Variants in AGAP1 observed in about 807,000 individuals in gnomAD.
AGAP1 encodes the protein arf-GAP with GTPase, ANK repeat and PH domain-containing protein 1.
A neutral mutation model predicts 105.3 loss-of-function variants in AGAP1; 29 were observed. The observed-to-expected ratio is 0.28, with a 90% confidence interval of 0.21 to 0.38. The LOEUF (loss-of-function observed/expected upper bound fraction) is 0.38. Ranked by LOEUF, AGAP1 falls within the 10% of genes least tolerant of loss-of-function variation. AGAP1 has a pLI of 1.00. For synonymous variants in AGAP1, 509 were observed against 485.9 expected, an observed-to-expected ratio of 1.05 and a Z score of -0.63; for missense variants, 998 against 1,165.1, an observed-to-expected ratio of 0.86 and a Z score of 2.09.
At chr2:235,925,854 C>CAAA (rs2125126983) in intron 11 of AGAP1, among the ~76,000 whole-genome samples, 1 of 152,268 alleles carries the variant, frequency 6.6e-6, no homozygotes, top group South Asian at 2.1e-4. Flanking sequence ...GGATCCTTAC[C>CAAA]CCTCAAGCAA....
intron 1 of AGAP1, among the ~76,000 whole-genome samples, chr2:235,637,733 T>C (rs1167229235): frequency 6.6e-6 from 1 of 152,138 alleles, no homozygotes; most frequent in Non-Finnish European, 1.5e-5. Flanking sequence ...CAGAACCATA[T>C]GGAAGAGGAG....
chr2:235,892,677 A>G (rs1237719770), intron 10 of AGAP1, among the ~76,000 whole-genome samples: 6 of 152,056 alleles, frequency 3.9e-5, no homozygotes, highest in Non-Finnish European at 8.8e-5. Context: ...CTCACATAGG[A>G]CTGCAACATT....
intron 9 of AGAP1, among the ~76,000 whole-genome samples, chr2:235,825,203 C>T (rs2106311094): frequency 6.6e-6 from 1 of 152,338 alleles, no homozygotes; most frequent in Non-Finnish European, 1.5e-5. Context: ...CTCCAGACCC[C>T]TTCCTTCTTG....
Position 235,983,904 on chromosome 2 carries a change from T to C in AGAP1, c.1645+15281T>C, listed in dbSNP as rs181056221. ...AACGATGGGGATACATGGCTGTATG[T>C]AACATAAAATTTGCCATTTTAATTG... On this transcript the variant is annotated intron_variant, in intron 13 of 17. Transcript: ENST00000304032. This position sits in a 1 kb window ranked among gnomAD's most constrained non-coding sequence, Gnocchi z 4.5. 2.7e-3 allele frequency among the ~76,000 whole-genome samples: 418 copies of C among 152,356 alleles called. No individual in the cohort carries two copies. Among genetic ancestry groups the C allele is most frequent in the Middle Eastern group, 0.01 (3 of 294 alleles).
intron 1 of AGAP1, among the ~76,000 whole-genome samples, chr2:235,554,434 G>A (rs1224663044): frequency 2.6e-5 from 4 of 152,224 alleles, no homozygotes. Flanking sequence ...TTCCTGGGAA[G>A]GAAAGAAAAC....
chr2:235,542,086 C>T (rs1299415884), intron 1 of AGAP1, among the ~76,000 whole-genome samples: 3 of 152,216 alleles, frequency 2.0e-5, no homozygotes, highest in South Asian at 2.1e-4. Flanking sequence ...AAGTTGTTAT[C>T]CTTTGTGCAA....
Position 235,665,442 on chromosome 2 carries a change from C to G in AGAP1, c.164-43737C>G, listed in dbSNP as rs568554057. Among the ~76,000 whole-genome samples the G allele has an allele frequency of 6.6e-6, 1 of 152,048 alleles. No individual in the cohort carries two copies. Among genetic ancestry groups the G allele is most frequent in the African/African-American group, 2.4e-5 (1 of 41,394 alleles). On this transcript the variant is annotated intron_variant, in intron 1 of 17. Transcript: ENST00000304032. This position sits in a 1 kb window ranked among gnomAD's most constrained non-coding sequence, Gnocchi z 5.3. ...CACGTTTAACCTTCAGCTTTTAAAA[C>G]GAGAGAAATAGGGTCCCCAGTGAGT...
intron 6 of AGAP1, among the ~76,000 whole-genome samples, chr2:235,763,987 T>C (rs1026273973): frequency 6.6e-6 from 1 of 152,144 alleles, no homozygotes; most frequent in African/African-American, 2.4e-5. Flanking sequence ...TGAAGATCTG[T>C]GTGTGGCTGT....
Position 236,055,703 on chromosome 2 carries a change from G to C in AGAP1, c.2114+6422G>C, listed in dbSNP as rs543550452. On this transcript the variant is annotated intron_variant, in intron 16 of 17. Coordinates refer to ENST00000304032, the MANE Select transcript of AGAP1 (RefSeq NM_001037131.3). The surrounding 1 kb of genome is among the most constrained non-coding windows in gnomAD (Gnocchi z 6.2). ...TTGCAGGCACACCGTCTGCTGGCAG[G>C]AGTGACATTTACTACCAATAAAGTT... Among the ~76,000 whole-genome samples the C allele has an allele frequency of 7.2e-5, 11 of 152,350 alleles. No homozygotes were observed. The East Asian group carries it at 2.1e-3, about 30-fold the overall frequency.
rs1390593194 is a variant in AGAP1, at chr2:236,104,644, A to C, written c.2115-15548A>C. 6.6e-6 allele frequency among the ~76,000 whole-genome samples: 1 copy of C among 152,164 alleles called. No homozygotes were observed. The highest frequency in any genetic ancestry group is 2.4e-5 in the African/African-American group (1 of 41,436). ...GGTGGCTCATGCCTGTAATGCCAGC[A>C]CTTTGGGAGGCCAAGGTGGGTGGAT... On this transcript the variant is annotated intron_variant, in intron 16 of 17. Transcript: ENST00000304032. This position sits in a 1 kb window ranked among gnomAD's most constrained non-coding sequence, Gnocchi z 4.7.
intron 9 of AGAP1, among the ~76,000 whole-genome samples, chr2:235,828,711 C>T (rs1224082104): frequency 6.6e-6 from 1 of 152,198 alleles, no homozygotes; most frequent in Admixed American, 6.5e-5. Flanking sequence ...TTCGCTCACC[C>T]AGCCTTTTCA....
intron 1 of AGAP1, among the ~76,000 whole-genome samples, chr2:235,653,381 A>T (rs34282712): frequency 6.6e-6 from 1 of 151,812 alleles, no homozygotes; most frequent in Admixed American, 6.6e-5. Flanking sequence ...GGAGAATGGC[A>T]TGAAACCGGG....
At chr2:235,775,827 A>T (rs1955818095) in intron 6 of AGAP1, 1 of 152,162 alleles carries the variant, frequency 6.6e-6, no homozygotes, top group Admixed American at 6.5e-5. Context: ...AACATTGGAA[A>T]CACATTTTAG....
intron 1 of AGAP1, among the ~76,000 whole-genome samples, chr2:235,534,066 G>A (rs1296405377): frequency 2.0e-5 from 3 of 152,200 alleles, no homozygotes; most frequent in Non-Finnish European, 4.4e-5. Flanking sequence ...CGTCGCTGTC[G>A]ATGCTACAGC....
At chr2:235,509,403 T>G (rs1007429446) in intron 1 of AGAP1, among the ~76,000 whole-genome samples, 4 of 151,502 alleles carry the variant, frequency 2.6e-5, no homozygotes, top group Non-Finnish European at 1.5e-5. Context: ...CCCGGCTAAT[T>G]TTTGTATTTT....
intron 7 of AGAP1, among the ~76,000 whole-genome samples, chr2:235,798,858 G>A (rs2150047223): frequency 7.5e-6 from 1 of 133,652 alleles, no homozygotes; most frequent in East Asian, 2.3e-4. Flanking sequence ...GTGACAGAGT[G>A]AGACCCTGTC....
At chr2:235,915,022 C>CTGACCGTAGG (rs1431054626) in intron 11 of AGAP1, among the ~76,000 whole-genome samples, 1 of 152,172 alleles carries the variant, frequency 6.6e-6, no homozygotes, top group Non-Finnish European at 1.5e-5. Context: ...CAAGGCAGCC[C>CTGACCGTAGG]TGACCGTAGG....
chr2:235,950,653 C>T (rs1192579802), intron 12 of AGAP1, among the ~76,000 whole-genome samples: 4 of 151,854 alleles, frequency 2.6e-5, no homozygotes, highest in Non-Finnish European at 4.4e-5. Flanking sequence ...TGCTTCCTGC[C>T]GCATCCACCC....
intron 1 of AGAP1, among the ~76,000 whole-genome samples, chr2:235,564,775 C>A (rs1361305864): frequency 2.1e-5 from 3 of 141,340 alleles, no homozygotes. Flanking sequence ...CCTGGACCAG[C>A]ACCCACGGCC....
Sources: gnomAD v4.1 joint callset for allele counts (sites outside exome capture counted in the v4.1 genomes callset) on GRCh38, gnomAD v4.1.1 for gene constraint, Gnocchi (gnomAD v3.1) non-coding constraint, MANE v1.5 for transcripts, NCBI Gene and HGNC (gene_info 2026-07-23, HGNC 2026-07-21) for gene names.